The following RBFOX1 variants were observed in gnomAD, a reference collection of about 807,000 sequenced individuals.
RBFOX1 encodes the protein RNA binding protein fox-1 homolog 1.
Under a neutral mutation model 57.7 loss-of-function variants are expected in RBFOX1, and 8 were observed. The observed-to-expected ratio is 0.14, with a 90% CI of 0.08 to 0.25. RBFOX1 has a LOEUF of 0.25. Among genes scored for constraint, RBFOX1 ranks in the 10% least tolerant of loss-of-function variants. RBFOX1 has a pLI of 1.00. For missense variants in RBFOX1, 611 were observed against 548.5 expected, an observed-to-expected ratio of 1.11 and a Z score of -1.14; for synonymous variants, 326 against 222.4, an observed-to-expected ratio of 1.47 and a Z score of -4.15.
chr16:5,250,461 C>G (rs1400328993), intron 1 of RBFOX1, among the ~76,000 whole-genome samples: 1 of 152,136 alleles, frequency 6.6e-6, no homozygotes, highest in Non-Finnish European at 1.5e-5. Context: ...TATGTTGTTC[C>G]CCTCTCTGTG....
At chr16:5,249,330 G>T (rs1377535354) in intron 1 of RBFOX1, among the ~76,000 whole-genome samples, 2 of 152,096 alleles carry the variant, frequency 1.3e-5, no homozygotes, top group African/African-American at 2.4e-5. Context: ...CCCCCACCTT[G>T]TCCCTCAGAC....
intron 4 of RBFOX1, among the ~76,000 whole-genome samples, chr16:7,295,171 A>G (rs1276402424): frequency 6.6e-6 from 1 of 152,206 alleles, no homozygotes; most frequent in Non-Finnish European, 1.5e-5. Context: ...CATTCATTTG[A>G]TTCATTAGCA....
At chr16:6,980,678 C>T (rs1159746062) in intron 3 of RBFOX1, among the ~76,000 whole-genome samples, 7 of 152,140 alleles carry the variant, frequency 4.6e-5, no homozygotes, top group Admixed American at 4.6e-4. Context: ...AGCTAAATTT[C>T]TGACTCTCCC....
At position 6,629,565 on chromosome 16, in the gene RBFOX1, G is replaced by T. The variant is rs114095558; in HGVS notation, c.-63-25038G>T. Among the ~76,000 whole-genome samples the T allele has an allele frequency of 7.5e-3, 1,147 of 151,984 alleles. 18 individuals are homozygous for T. Among genetic ancestry groups the T allele is most frequent in the African/African-American group, 0.027 (1,107 of 41,420 alleles). On this transcript the variant is annotated intron_variant, in intron 2 of 15. Coordinates refer to ENST00000550418, the MANE Select transcript of RBFOX1 (RefSeq NM_018723.4). ...TGTAGATAAAAATCAACATTAATTGGCAGGATGAATGAGGGTGGTTAGGGT... is the reference window on the plus strand; with the variant it reads ...TGTAGATAAAAATCAACATTAATTGTCAGGATGAATGAGGGTGGTTAGGGT...
intron 3 of RBFOX1, among the ~76,000 whole-genome samples, chr16:6,996,985 C>G (rs1472127093): frequency 1.3e-5 from 2 of 152,016 alleles, no homozygotes; most frequent in Non-Finnish European, 2.9e-5. Context: ...TTGAAGATTT[C>G]CTCATCAGCT....
chr16:5,875,907 C>T (rs1395717995), intron 4 of RBFOX1, among the ~76,000 whole-genome samples: 6 of 151,300 alleles, frequency 4.0e-5, no homozygotes, highest in African/African-American at 1.2e-4. Flanking sequence ...GCAGTGGCGC[C>T]ATCTGGGCTC....
At chr16:7,611,235 A>G (rs764149964) in intron 10 of RBFOX1, among the ~76,000 whole-genome samples, 21 of 152,158 alleles carry the variant, frequency 1.4e-4, no homozygotes, top group Non-Finnish European at 2.5e-4. Context: ...CCTAAAGGTA[A>G]TTTTCTTAGT....
At chr16:5,712,625 CAT>C (rs34293258) in intron 3 of RBFOX1, among the ~76,000 whole-genome samples, 82,316 of 151,854 alleles carry the variant, frequency 0.54, 25,872 homozygotes, top group Non-Finnish European at 0.72. Flanking sequence ...TATTTGTCCT[CAT>C]GTGTAGTTTA....
At chr16:6,820,213 A>G (rs746509856) in intron 3 of RBFOX1, among the ~76,000 whole-genome samples, 1 of 152,198 alleles carries the variant, frequency 6.6e-6, no homozygotes, top group African/African-American at 2.4e-5. Context: ...AGGCCTCCCC[A>G]GCCATGTGCA....
rs571349231 is a variant in RBFOX1, at chr16:6,807,092, C to T, written c.-16+152442C>T. ...CAAGTAGTATGCCTGCTTCAGCCTC[C>T]CAAAGTGCTGGGATTACAGGTGTAA... On this transcript the variant is annotated intron_variant, in intron 3 of 15. Coordinates refer to ENST00000550418, the MANE Select transcript of RBFOX1 (RefSeq NM_018723.4). 5.9e-5 allele frequency among the ~76,000 whole-genome samples: 9 copies of T among 151,850 alleles called. No homozygotes were observed. In the East Asian group the frequency reaches 1.6e-3, roughly 26 times the overall value.
intron 4 of RBFOX1, among the ~76,000 whole-genome samples, chr16:5,939,295 A>G (rs77703989): frequency 0.033 from 5,000 of 152,356 alleles, 318 homozygotes; most frequent in East Asian, 0.21. Context: ...ACAAACTTAG[A>G]TTAAAACAAC....
chr16:6,935,847 T>C (rs896117188), intron 3 of RBFOX1, among the ~76,000 whole-genome samples: 1 of 152,162 alleles, frequency 6.6e-6, no homozygotes, highest in African/African-American at 2.4e-5. Flanking sequence ...CCAGGATACC[T>C]GTGGTCTAGA....
At chr16:6,447,980 C>A (rs1258608872) in intron 2 of RBFOX1, among the ~76,000 whole-genome samples, 1 of 28,694 alleles carries the variant, frequency 3.5e-5, no homozygotes, top group South Asian at 9.4e-4. Flanking sequence ...AGACAAGAGT[C>A]TCTCTCTCTC....
At chr16:6,860,127 C>G (rs1233987037) in intron 3 of RBFOX1, among the ~76,000 whole-genome samples, 1 of 152,170 alleles carries the variant, frequency 6.6e-6, no homozygotes, top group Non-Finnish European at 1.5e-5. Context: ...TGTGCGCTAG[C>G]TGTTCACTGC....
At chr16:7,160,778 C>T (rs994027958) in intron 4 of RBFOX1, among the ~76,000 whole-genome samples, 9 of 149,480 alleles carry the variant, frequency 6.0e-5, no homozygotes, top group Non-Finnish European at 5.9e-5. Context: ...CCGCCTCCCC[C>T]TTTTTTCTCC....
At chr16:6,897,800 T>TA (rs932951049) in intron 3 of RBFOX1, among the ~76,000 whole-genome samples, 1 of 151,868 alleles carries the variant, frequency 6.6e-6, no homozygotes, top group Non-Finnish European at 1.5e-5. Flanking sequence ...TCTCAAAAAA[T>TA]AAAAAAAGGC....
chr16:5,697,704 T>TC (rs972316275), intron 3 of RBFOX1, among the ~76,000 whole-genome samples: 1 of 94 alleles, frequency 0.011, no homozygotes, highest in Non-Finnish European at 0.018. Flanking sequence ...CGGCTAATTT[T>TC]TGTATTTTTA....
chr16:6,227,451 A>G (rs1267288553), intron 1 of RBFOX1, among the ~76,000 whole-genome samples: 1 of 152,230 alleles, frequency 6.6e-6, no homozygotes, highest in Non-Finnish European at 1.5e-5. Context: ...AACAAACAAC[A>G]GTAGCAAACC....
At position 6,481,861 on chromosome 16, in the gene RBFOX1, G is replaced by C. The variant is rs150399773; in HGVS notation, c.-64+164804G>C. Among the ~76,000 whole-genome samples, 658 of 152,254 alleles carry C rather than the reference G, an allele frequency of 4.3e-3. 4 individuals are homozygous for C. Among genetic ancestry groups the C allele is most frequent in the African/African-American group, 0.015 (622 of 41,538 alleles). ...ACACAAATAGAATTTTGTTAACTCT[G>C]CAAGGAGAAAGTTAAACACTGTGTT... On this transcript the variant is annotated intron_variant, in intron 2 of 15. Transcript: ENST00000550418.
Sources: gnomAD v4.1 joint callset for allele counts (sites outside exome capture counted in the v4.1 genomes callset) on GRCh38, gnomAD v4.1.1 for gene constraint, MANE v1.5 for transcripts, NCBI Gene and HGNC (gene_info 2026-07-23, HGNC 2026-07-21) for gene names.